Variants in MYT1L observed in about 807,000 individuals in gnomAD.
MYT1L encodes the protein myelin transcription factor 1 like, also known as myelin transcription factor 1-like protein.
Under a neutral mutation model 126.7 loss-of-function variants are expected in MYT1L, and 12 were observed. The ratio of observed to expected loss-of-function variants is 0.09; its 90% CI spans 0.06 to 0.15. The LOEUF (loss-of-function observed/expected upper bound fraction) is 0.15, where lower values mean the gene tolerates loss of function less well. Ranked by LOEUF, MYT1L falls within the 10% of genes least tolerant of loss-of-function variation. The pLI, the probability that MYT1L is intolerant of heterozygous loss-of-function variation, is 1.00. For missense variants in MYT1L, 979 were observed against 1,585.2 expected (o/e 0.62, Z 6.49); for synonymous variants, 541 against 604.2 (o/e 0.90, Z 1.53).
intron 2 of MYT1L, among the ~76,000 whole-genome samples, chr2:2,255,566 T>G (rs1173059442): frequency 6.6e-6 from 1 of 152,208 alleles, no homozygotes; most frequent in Non-Finnish European, 1.5e-5. Flanking sequence ...TCAGCCCTTA[T>G]TTGCAACTGG....
intron 2 of MYT1L, among the ~76,000 whole-genome samples, chr2:2,173,690 T>C (rs917841101): frequency 2.6e-5 from 4 of 152,160 alleles, no homozygotes; most frequent in African/African-American, 9.7e-5. Context: ...AGTGAGAGGG[T>C]GATGCCTCAG....
intron 3 of MYT1L, among the ~76,000 whole-genome samples, chr2:2,111,749 T>C (rs1268711413): frequency 2.0e-5 from 3 of 152,252 alleles, no homozygotes; most frequent in Non-Finnish European, 4.4e-5. Flanking sequence ...TCTCTTTCTT[T>C]ATCTCAAAAC....
At chr2:2,170,877 G>A (rs2089951462) in intron 3 of MYT1L, among the ~76,000 whole-genome samples, 1 of 152,214 alleles carries the variant, frequency 6.6e-6, no homozygotes, top group South Asian at 2.1e-4. Flanking sequence ...CCGAAAGTGA[G>A]AAATGATTGG....
intron 3 of MYT1L, among the ~76,000 whole-genome samples, chr2:2,160,772 C>G (rs1427256268): frequency 1.3e-5 from 2 of 152,164 alleles, no homozygotes; most frequent in African/African-American, 4.8e-5. Context: ...AAAACACAGA[C>G]TGGGGTACCC....
At chr2:1,803,149 C>T (rs944138441) in intron 22 of MYT1L, among the ~76,000 whole-genome samples, 5 of 151,436 alleles carry the variant, frequency 3.3e-5, no homozygotes, top group Non-Finnish European at 7.4e-5. Flanking sequence ...TTTAGTGAAA[C>T]GAAAAAAAAG....
At chr2:2,256,796 A>T (rs2094824740) in intron 2 of MYT1L, among the ~76,000 whole-genome samples, 1 of 152,214 alleles carries the variant, frequency 6.6e-6, no homozygotes, top group Admixed American at 6.5e-5. Context: ...AGCAGTCACT[A>T]TGTCAGCAGT....
rs534625641 is a variant in MYT1L at position 1,794,174 on chromosome 2, C to T, written c.3277-1710G>A. Reference sequence around the variant, plus strand: ...AGCAGAGGGCGGCTCCTGCCCTTTGCATCTGGTGGCTTTCCTAGACGGTGG... The same window carrying T: ...AGCAGAGGGCGGCTCCTGCCCTTTGTATCTGGTGGCTTTCCTAGACGGTGG... On this transcript the variant is annotated intron_variant, in intron 23 of 24. Transcript: ENST00000647738. Among the ~76,000 whole-genome samples, 6 of 152,350 alleles carry T rather than the reference C, an allele frequency of 3.9e-5. No homozygotes were observed. In the South Asian group the frequency reaches 1.0e-3, roughly 26 times the overall value.
intron 3 of MYT1L, among the ~76,000 whole-genome samples, chr2:2,065,846 A>ACACACACG (rs1553455289): frequency 8.5e-6 from 1 of 117,338 alleles, no homozygotes; most frequent in African/African-American, 3.2e-5. Flanking sequence ...ACACACACAC[A>ACACACACG]CGCACACACA....
chr2:2,277,435 A>T (rs1200059477), intron 2 of MYT1L, among the ~76,000 whole-genome samples: 1 of 152,218 alleles, frequency 6.6e-6, no homozygotes, highest in Non-Finnish European at 1.5e-5. Context: ...GGGTGGACAG[A>T]TTGTCCCATA....
At chr2:2,130,592 G>C (rs1410111787) in intron 3 of MYT1L, among the ~76,000 whole-genome samples, 2 of 152,170 alleles carry the variant, frequency 1.3e-5, no homozygotes, top group East Asian at 3.9e-4. Context: ...GGGATACTCT[G>C]CTGCTATTTT....
At chr2:2,160,655 A>G (rs1388547689) in intron 3 of MYT1L, among the ~76,000 whole-genome samples, 1 of 152,194 alleles carries the variant, frequency 6.6e-6, no homozygotes, top group African/African-American at 2.4e-5. Context: ...AGAAGATGCC[A>G]CAAGATCAAA....
chr2:1,789,404 A>C lies in MYT1L; in HGVS notation c.*2463T>G, dbSNP rs2031638074. ...AACTTAGAAATGAATATGAACAATA[A>C]GTTATAATAAACTCTGATGACTCAC... On this transcript the variant is annotated 3_prime_UTR_variant, in exon 25 of 25. Transcript: ENST00000647738. 6.6e-6 allele frequency: 1 copy of C among 152,250 alleles called. No individual in the cohort carries two copies. The highest frequency in any genetic ancestry group is 2.1e-4 in the South Asian group (1 of 4,832). 9.4% of individuals were successfully genotyped at this position (152,250 alleles called of 1,614,324 possible). A position where few individuals can be genotyped will look rare whatever the true frequency, so the allele number is the denominator to read the frequency against.
At chr2:1,820,031 TGG>T (rs10713046) in intron 21 of MYT1L, among the ~76,000 whole-genome samples, 1 of 112,228 alleles carries the variant, frequency 8.9e-6, no homozygotes, top group Non-Finnish European at 2.0e-5. Context: ...CAGAGGGCAG[TGG>T]GGGGGGGCCA....
At chr2:1,958,844 C>T (rs1216423216) in intron 8 of MYT1L, among the ~76,000 whole-genome samples, 1 of 146,266 alleles carries the variant, frequency 6.8e-6, no homozygotes, top group Non-Finnish European at 1.5e-5. Context: ...CGGCTGTTCA[C>T]TATGCTATGA....
At chr2:1,995,747 C>G (rs998858872) in intron 5 of MYT1L, among the ~76,000 whole-genome samples, 1 of 152,174 alleles carries the variant, frequency 6.6e-6, no homozygotes, top group Non-Finnish European at 1.5e-5. Flanking sequence ...CCAGACAACA[C>G]TGCCTGGGCT....
chr2:2,200,903 T>C (rs2148823100), intron 2 of MYT1L, among the ~76,000 whole-genome samples: 1 of 152,296 alleles, frequency 6.6e-6, no homozygotes, highest in Admixed American at 6.5e-5. Context: ...GCCTCCTTCC[T>C]GAGACATGCA....
intron 2 of MYT1L, among the ~76,000 whole-genome samples, chr2:2,253,884 C>T (rs377387107): frequency 1.3e-5 from 2 of 152,078 alleles, no homozygotes; most frequent in African/African-American, 4.8e-5. Flanking sequence ...CTGCCTTCAG[C>T]GAGACTGTGA....
chr2:1,935,920 C>A (rs2149215384), intron 9 of MYT1L, among the ~76,000 whole-genome samples: 1 of 152,158 alleles, frequency 6.6e-6, no homozygotes, highest in Admixed American at 6.6e-5. Context: ...CCACCTGCAT[C>A]TTTTTTTTGT....
At chr2:2,106,154 G>A (rs1289947907) in intron 3 of MYT1L, among the ~76,000 whole-genome samples, 3 of 152,168 alleles carry the variant, frequency 2.0e-5, no homozygotes, top group Admixed American at 6.5e-5. Context: ...CAGAAGCCCC[G>A]AGCAAAGACA....
Sources: allele counts gnomAD v4.1 joint callset (sites outside exome capture counted in the v4.1 genomes callset), GRCh38; gene constraint gnomAD v4.1.1; transcripts MANE v1.5; gene names NCBI Gene and HGNC (gene_info 2026-07-23, HGNC 2026-07-21).